The following DLD variants were observed in gnomAD, a reference collection of about 807,000 sequenced individuals.
The protein encoded by DLD is dihydrolipoamide dehydrogenase.
In DLD, 36 loss-of-function variants were observed where a neutral mutation model predicts 62.2. The observed-to-expected ratio is 0.58, with a 90% confidence interval of 0.44 to 0.76. DLD has a LOEUF of 0.76. Ranked by LOEUF, DLD falls within the 30% of genes least tolerant of loss-of-function variation. The pLI is 0.00. For synonymous variants in DLD, 204 were observed against 199.6 expected (o/e 1.02, Z -0.19); for missense variants, 541 against 608.6 (o/e 0.89, Z 1.17).
At chr7:107,901,688 G>C (rs773764422) in intron 2 of DLD, 50 bp from the exon 3 acceptor site, 3 of 1,478,936 alleles carry the variant, frequency 2.0e-6, no homozygotes, top group South Asian at 2.3e-5. Context: ...AGCTCTTTTT[G>C]GTAAATATTA....
Position 107,919,929 on chromosome 7 carries a change from G to A in DLD, c.*670G>A, listed in dbSNP as rs1206751299. On this transcript the variant is annotated 3_prime_UTR_variant, in exon 14 of 14. Transcript: ENST00000205402. ...TGGGCATTCAAATGTATTACAGTGGGGAATGAAGATACTGAAATAAACGTC... is the reference window on the plus strand; with the variant it reads ...TGGGCATTCAAATGTATTACAGTGGAGAATGAAGATACTGAAATAAACGTC... 6.6e-6 allele frequency: 1 copy of A among 152,344 alleles called. No individual in the cohort carries two copies. The highest frequency in any genetic ancestry group is 1.5e-5 in the Non-Finnish European group (1 of 68,104). 9.4% of individuals were successfully genotyped at this position (152,344 alleles called of 1,614,324 possible).
Position 107,893,218 on chromosome 7 carries a change from A to G in DLD, c.58A>G (p.Ile20Val), listed in dbSNP as rs780884637. ...SLAKRGHFNRISHGLQGLSAV... is the reference protein window; with the variant it reads ...SLAKRGHFNRVSHGLQGLSAV... ...TTTCTAGAGAGGCCATTTCAATCGAATATCTCATGGCCTACAGGGACTTTC... is the reference window on the plus strand; with the variant it reads ...TTTCTAGAGAGGCCATTTCAATCGAGTATCTCATGGCCTACAGGGACTTTC... Residue 20 changes from isoleucine to valine, a missense_variant, in exon 2 of 14, where the codon ATA (isoleucine) becomes GTA (valine). Physicochemically the swap from Ile to Val is conservative, Grantham distance 29 (BLOSUM62 3). Coordinates refer to ENST00000205402, the MANE Select transcript of DLD (RefSeq NM_000108.5). 7.4e-6 allele frequency: 12 copies of G among 1,613,590 alleles called. No homozygotes were observed. Among genetic ancestry groups the G allele is most frequent in the East Asian group, 4.5e-5 (2 of 44,878 alleles).
At chr7:107,905,533 T>C in intron 7 of DLD, 29 bp downstream of exon 7, 2 of 1,609,148 alleles carry the variant, frequency 1.2e-6, no homozygotes, top group Non-Finnish European at 1.7e-6. Flanking sequence ...TTACAACCAT[T>C]ACAACTTTTC....
intron 8 of DLD, among the ~76,000 whole-genome samples, chr7:107,912,441 C>T (rs1278546617): frequency 6.6e-6 from 1 of 152,092 alleles, no homozygotes; most frequent in African/African-American, 2.4e-5. Flanking sequence ...CTTACATTCC[C>T]ACTAACAGTG....
chr7:107,905,804 A>T (rs372371700), intron 7 of DLD: 5 of 407,916 alleles, frequency 1.2e-5, no homozygotes, highest in African/African-American at 1.0e-4. Context: ...AATTAGGTAT[A>T]TAGATACCTC....
chr7:107,916,634 T>C (rs1165008990), intron 9 of DLD, among the ~76,000 whole-genome samples, 160 bp from the exon 10 acceptor site: 1 of 152,172 alleles, frequency 6.6e-6, no homozygotes, highest in East Asian at 1.9e-4. Context: ...ATTGCACCAC[T>C]GTACTCCAGT....
chr7:107,916,661 A>C, intron 9 of DLD, 133 bp from the exon 10 acceptor site: 1 of 931,696 alleles, frequency 1.1e-6, no homozygotes. Flanking sequence ...ACAGAGCAAG[A>C]CTCTGTCTCA....
intron 12 of DLD, among the ~76,000 whole-genome samples, chr7:107,918,790 G>T (rs1299564746): frequency 1.3e-5 from 2 of 152,192 alleles, no homozygotes; most frequent in Non-Finnish European, 2.9e-5. Flanking sequence ...GAATGGTTAA[G>T]GTAGTAAGTG....
At chr7:107,904,394 A>G (rs1264331232) in intron 5 of DLD, among the ~76,000 whole-genome samples, 2 of 152,138 alleles carry the variant, frequency 1.3e-5, no homozygotes, top group African/African-American at 4.8e-5. Context: ...TGTGTTGGTT[A>G]TATGAGGTAC....
intron 4 of DLD, 79 bp from the exon 5 acceptor site, chr7:107,903,399 A>C (rs185937504): frequency 7.6e-6 from 7 of 923,016 alleles, no homozygotes; most frequent in Middle Eastern, 2.7e-4. Context: ...AAGAAAGACT[A>C]TCATTTCATA....
intron 8 of DLD, among the ~76,000 whole-genome samples, chr7:107,909,067 TTGTAA>T (rs1450768581): frequency 2.0e-5 from 3 of 152,202 alleles, no homozygotes; most frequent in East Asian, 1.9e-4. Flanking sequence ...AGTATACTTC[TTGTAA>T]TGTAATGCTT....
Position 107,908,392 on chromosome 7 carries a change from G to T in DLD, c.684+2024G>T, listed in dbSNP as rs535831860. Among the ~76,000 whole-genome samples the T allele has an allele frequency of 3.3e-5, 5 of 152,036 alleles. No individual in the cohort carries two copies. The South Asian group carries it at 8.3e-4, about 25-fold the overall frequency. Reference sequence around the variant, plus strand: ...TCTCGAACTCCTGACCTTGTGATGCGCATGATGGTTCATGTCTATAATCCC... The same window carrying T: ...TCTCGAACTCCTGACCTTGTGATGCTCATGATGGTTCATGTCTATAATCCC... On this transcript the variant is annotated intron_variant, in intron 8 of 13. Coordinates refer to ENST00000205402, the MANE Select transcript of DLD (RefSeq NM_000108.5).
intron 2 of DLD, among the ~76,000 whole-genome samples, chr7:107,896,431 G>C (rs1273666904): frequency 6.6e-6 from 1 of 152,218 alleles, no homozygotes; most frequent in African/African-American, 2.4e-5. Flanking sequence ...TTACCCCCAT[G>C]TTGTATCAAA....
chr7:107,891,111 C>A, upstream of DLD: 1 of 1,086,226 alleles, frequency 9.2e-7, no homozygotes. Context: ...TGCGGTAGAA[C>A]CGCGCGGGCC....
At chr7:107,899,265 A>T (rs1298483327) in intron 2 of DLD, among the ~76,000 whole-genome samples, 1 of 145,698 alleles carries the variant, frequency 6.9e-6, no homozygotes, top group Admixed American at 7.0e-5. Flanking sequence ...CTTTTTTCTC[A>T]TTTTTGTGCA....
intron 2 of DLD, 89 bp downstream of exon 2, chr7:107,893,367 C>G: frequency 2.0e-6 from 2 of 986,484 alleles, no homozygotes; most frequent in Non-Finnish European, 3.1e-6. Flanking sequence ...ATTGGAATAA[C>G]TTATGTTAAG....
intron 5 of DLD, chr7:107,903,759 A>C (rs1472569896): frequency 4.8e-5 from 21 of 441,444 alleles, no homozygotes; most frequent in South Asian, 3.4e-4. Context: ...TAACCCTGCA[A>C]ATCCAGATTT....
At chr7:107,918,087 C>T in intron 12 of DLD, 26 bp downstream of exon 12, 2 of 1,613,150 alleles carry the variant, frequency 1.2e-6, no homozygotes, top group South Asian at 1.1e-5. Flanking sequence ...CCAGAGAAAT[C>T]CCATTAAGAT....
intron 10 of DLD, 83 bp from the exon 11 acceptor site, chr7:107,917,190 A>G (rs558477780): frequency 5.2e-6 from 8 of 1,528,196 alleles, no homozygotes; most frequent in Admixed American, 1.7e-5. Flanking sequence ...TGTTTACTGG[A>G]AACTTTTGTT....
Sources: allele counts gnomAD v4.1 joint callset (sites outside exome capture counted in the v4.1 genomes callset), GRCh38; gene constraint gnomAD v4.1.1; transcripts MANE v1.5; gene names NCBI Gene and HGNC (gene_info 2026-07-23, HGNC 2026-07-21).